PDE1C: variants seen among roughly 807,000 people sequenced by gnomAD.
PDE1C encodes phosphodiesterase 1C.
PDE1C carries 62 observed loss-of-function variants against 93.1 expected under a neutral mutation model. The observed-to-expected ratio is 0.67, with a 90% CI of 0.54 to 0.82. The LOEUF is 0.82. Ranked by LOEUF, PDE1C falls within the 40% of genes least tolerant of loss-of-function variation. PDE1C has a pLI of 0.00. For missense variants in PDE1C, 742 were observed against 884.6 expected (o/e 0.84, Z 2.04); for synonymous variants, 325 against 310.1 (o/e 1.05, Z -0.50).
At chr7:32,092,928 G>A (rs1277542588) in intron 3 of PDE1C, among the ~76,000 whole-genome samples, 2 of 152,118 alleles carry the variant, frequency 1.3e-5, no homozygotes, top group African/African-American at 4.8e-5. Flanking sequence ...GGCCCAAAGT[G>A]ATCCACTAGT....
intron 12 of PDE1C, among the ~76,000 whole-genome samples, chr7:31,825,409 G>A (rs1789522882): frequency 1.3e-5 from 2 of 152,220 alleles, no homozygotes; most frequent in East Asian, 1.9e-4. Context: ...GGTGTAAGAT[G>A]TGTCTGGGGA....
chr7:32,044,480 C>T (rs62457516), intron 2 of PDE1C, among the ~76,000 whole-genome samples: 25,583 of 151,874 alleles, frequency 0.17, 2,810 homozygotes, highest in African/African-American at 0.31. Flanking sequence ...AGATTTGTTG[C>T]TATTTTTCAA....
chr7:32,083,055 G>C (rs1186818046), intron 3 of PDE1C, among the ~76,000 whole-genome samples: 1 of 151,326 alleles, frequency 6.6e-6, no homozygotes, highest in African/African-American at 2.4e-5. Flanking sequence ...AAACTACTCT[G>C]AGCTACAGGA....
At chr7:32,237,803 T>A (rs1808241632) in intron 1 of PDE1C, among the ~76,000 whole-genome samples, 1 of 140,894 alleles carries the variant, frequency 7.1e-6, no homozygotes, top group Non-Finnish European at 1.5e-5. Flanking sequence ...AGAGTCTCGC[T>A]CTTGTTGCCC....
chr7:31,791,925 G>C (rs1383849363), intron 16 of PDE1C, among the ~76,000 whole-genome samples: 1 of 152,090 alleles, frequency 6.6e-6, no homozygotes, highest in Admixed American at 6.5e-5. Flanking sequence ...TTATGGGTGA[G>C]ATGGTGGAGT....
chr7:32,130,744 A>G (rs1257196634), intron 3 of PDE1C, among the ~76,000 whole-genome samples: 1 of 152,092 alleles, frequency 6.6e-6, no homozygotes, highest in Non-Finnish European at 1.5e-5. Flanking sequence ...GAGATAATGA[A>G]GAATTTAAAT....
intron 2 of PDE1C, among the ~76,000 whole-genome samples, chr7:32,204,025 C>A (rs941840728): frequency 1.3e-5 from 2 of 152,150 alleles, no homozygotes; most frequent in Non-Finnish European, 2.9e-5. Context: ...AGTACTCTTG[C>A]ACTTTTTACT....
intron 1 of PDE1C, among the ~76,000 whole-genome samples, chr7:32,065,700 A>G (rs576659352): frequency 6.6e-6 from 1 of 152,360 alleles, no homozygotes; most frequent in Admixed American, 6.5e-5. Flanking sequence ...GTTCGGTTAT[A>G]TAGAAAGAAA....
chr7:32,094,625 T>A lies in PDE1C; in HGVS notation c.308+75160A>T, dbSNP rs114819250. Among the ~76,000 whole-genome samples the A allele has an allele frequency of 8.4e-3, 1,283 of 152,324 alleles. 16 individuals carry two copies. Among genetic ancestry groups the A allele is most frequent in the African/African-American group, 0.026 (1,099 of 41,574 alleles). The stretch of plus-strand genomic sequence containing the variant: ...ACAACTAAATCTGAGTCCCAAGCTC[T>A]ATCATTATTTCTTTACTCGTTTGTG... On this transcript the variant is annotated intron_variant, in intron 3 of 18. Transcript: ENST00000396193.
At chr7:31,842,401 G>A (rs1792025885) in intron 9 of PDE1C, among the ~76,000 whole-genome samples, 2 of 152,068 alleles carry the variant, frequency 1.3e-5, no homozygotes, top group South Asian at 4.1e-4. Flanking sequence ...GAATTCACCA[G>A]TTAAACTATC....
At chr7:32,141,703 G>A (rs1047464359) in intron 3 of PDE1C, among the ~76,000 whole-genome samples, 4 of 152,206 alleles carry the variant, frequency 2.6e-5, no homozygotes, top group African/African-American at 9.7e-5. Flanking sequence ...GTGGTACCCT[G>A]GATGGGATCC....
intron 2 of PDE1C, among the ~76,000 whole-genome samples, chr7:31,961,357 A>G (rs922051116): frequency 2.0e-5 from 3 of 152,130 alleles, no homozygotes; most frequent in African/African-American, 7.2e-5. Flanking sequence ...GTATATTGAT[A>G]AAGTTATTCT....
chr7:32,397,217 G>A (rs910638578), intron 1 of PDE1C, among the ~76,000 whole-genome samples: 1 of 151,558 alleles, frequency 6.6e-6, no homozygotes, highest in Admixed American at 6.6e-5. Flanking sequence ...ACAGATAAAG[G>A]GCCAATATCC....
intron 17 of PDE1C, among the ~76,000 whole-genome samples, chr7:31,763,921 G>T (rs1446525535): frequency 2.0e-5 from 3 of 151,190 alleles, no homozygotes; most frequent in African/African-American, 7.3e-5. Flanking sequence ...ACACCACTTT[G>T]ATTCACAAAA....
At chr7:31,694,915 T>C in the PDE1C span, among the ~76,000 whole-genome samples, 1 of 151,742 alleles carries the variant, frequency 6.6e-6, no homozygotes, top group African/African-American at 2.4e-5. Context: ...GATGGGCAAA[T>C]AGGAGGGTTA....
the PDE1C span, among the ~76,000 whole-genome samples, chr7:31,743,219 A>C: frequency 0.01 from 1,555 of 152,248 alleles, 14 homozygotes; most frequent in South Asian, 0.04. Context: ...TTTTCATTAC[A>C]TTTAATATCA....
At position 32,205,663 on chromosome 7, in the gene PDE1C, T is replaced by C. The variant is rs141707530; in HGVS notation, c.136+3826A>G. ...TGCAGAAGCTTTGTTCCTTCCCCCT[T>C]TGCAATGAATTTTCCTGCTGCTGGC... On this transcript the variant is annotated intron_variant, in intron 2 of 18. Coordinates refer to the PDE1C transcript ENST00000396193. Among the ~76,000 whole-genome samples, 655 of 152,272 alleles carry C rather than the reference T, an allele frequency of 4.3e-3. 6 individuals carry two copies. The highest frequency in any genetic ancestry group is 0.015 in the African/African-American group (624 of 41,534).
chr7:31,770,417 T>C (rs757423829), intron 17 of PDE1C, among the ~76,000 whole-genome samples: 24 of 152,236 alleles, frequency 1.6e-4, no homozygotes, highest in Non-Finnish European at 2.9e-4. Context: ...AATTACCTAA[T>C]TTTTTCTTGG....
chr7:32,107,026 CA>C (rs948521951), intron 3 of PDE1C, among the ~76,000 whole-genome samples: 8 of 143,666 alleles, frequency 5.6e-5, no homozygotes, highest in African/African-American at 2.1e-4. Context: ...TTTTAAAAAA[CA>C]GTGTAAAAGA....
Sources: gnomAD v4.1 joint callset for allele counts (sites outside exome capture counted in the v4.1 genomes callset) on GRCh38, gnomAD v4.1.1 for gene constraint, MANE v1.5 for transcripts, NCBI Gene and HGNC (gene_info 2026-07-23, HGNC 2026-07-21) for gene names.